Variants in FOXP1 observed in about 807,000 individuals in gnomAD.
FOXP1 encodes the protein forkhead box P1.
Under a neutral mutation model 98.2 loss-of-function variants are expected in FOXP1, and 15 were observed. The ratio of observed to expected loss-of-function variants is 0.15; its 90% CI spans 0.10 to 0.24. The LOEUF is 0.24. Among genes scored for constraint, FOXP1 ranks in the 10% least tolerant of loss-of-function variants. FOXP1 has a pLI of 1.00. For missense variants in FOXP1, 633 were observed against 848.5 expected, an observed-to-expected ratio of 0.75 and a Z score of 3.15; for synonymous variants, 371 against 314.5, an observed-to-expected ratio of 1.18 and a Z score of -1.90.
intron 4 of FOXP1, among the ~76,000 whole-genome samples, chr3:71,316,205 T>C (rs1041271558): frequency 2.0e-5 from 3 of 152,120 alleles, no homozygotes; most frequent in Non-Finnish European, 4.4e-5. Context: ...CTGAACAAAG[T>C]GCTAAAATGC....
At chr3:71,117,456 C>T (rs1411100309) in intron 6 of FOXP1, among the ~76,000 whole-genome samples, 1 of 152,006 alleles carries the variant, frequency 6.6e-6, no homozygotes, top group Non-Finnish European at 1.5e-5. Context: ...ATCTCAACCA[C>T]AATTAGAGAA....
intron 7 of FOXP1, among the ~76,000 whole-genome samples, chr3:71,092,264 G>A (rs956478201): frequency 3.9e-5 from 6 of 152,064 alleles, no homozygotes; most frequent in Non-Finnish European, 7.4e-5. Context: ...CCAGCTACTC[G>A]GGAGGCTGAG....
intron 3 of FOXP1, among the ~76,000 whole-genome samples, chr3:71,457,870 A>G (rs573375980): frequency 6.6e-6 from 1 of 152,264 alleles, no homozygotes; most frequent in East Asian, 1.9e-4. Flanking sequence ...TTAGCAAAAC[A>G]CACTCCGCTT....
intron 3 of FOXP1, among the ~76,000 whole-genome samples, chr3:71,366,888 A>G (rs1428343626): frequency 6.6e-6 from 1 of 152,238 alleles, no homozygotes; most frequent in African/African-American, 2.4e-5. Context: ...TTAAGCCTTT[A>G]CAAGAAATTA....
chr3:71,380,993 T>C (rs546399817), intron 3 of FOXP1, among the ~76,000 whole-genome samples: 11 of 152,310 alleles, frequency 7.2e-5, no homozygotes, highest in African/African-American at 2.4e-4. Flanking sequence ...AAACATTGAA[T>C]TTAAAATTTT....
chr3:71,322,699 C>A (rs191460648), intron 4 of FOXP1, among the ~76,000 whole-genome samples: 6 of 152,252 alleles, frequency 3.9e-5, no homozygotes, highest in Admixed American at 2.0e-4. Flanking sequence ...GCAGTGGCCA[C>A]AGAGAAGTCT....
chr3:71,353,593 C>T (rs2077943765), intron 4 of FOXP1, among the ~76,000 whole-genome samples: 1 of 151,968 alleles, frequency 6.6e-6, no homozygotes. Flanking sequence ...TTAATCATGT[C>T]CTTTTATTGT....
chr3:71,307,660 A>G (rs1426870188), intron 4 of FOXP1, among the ~76,000 whole-genome samples: 1 of 152,186 alleles, frequency 6.6e-6, no homozygotes, highest in Non-Finnish European at 1.5e-5. Context: ...TTTAATCAGT[A>G]TATCACTGTG....
chr3:71,349,193 A>C (rs1316420891), intron 4 of FOXP1, among the ~76,000 whole-genome samples: 1 of 152,256 alleles, frequency 6.6e-6, no homozygotes, highest in African/African-American at 2.4e-5. Flanking sequence ...CCTTAAAAGA[A>C]AATTCCAAGA....
chr3:71,033,232 G>A (rs74836672), intron 11 of FOXP1, among the ~76,000 whole-genome samples: 3 of 152,086 alleles, frequency 2.0e-5, no homozygotes, highest in African/African-American at 4.8e-5. Flanking sequence ...CGGCAGCGGC[G>A]CATCAAAAAA....
chr3:71,442,886 AT>A (rs60028789), intron 3 of FOXP1, among the ~76,000 whole-genome samples: 40,404 of 151,124 alleles, frequency 0.27, 5,862 homozygotes, highest in Non-Finnish European at 0.33. Flanking sequence ...ATCTTTTTTT[AT>A]TTTTTTTTTA....
intron 12 of FOXP1, among the ~76,000 whole-genome samples, chr3:71,009,996 T>A (rs1435476900): frequency 1.3e-5 from 2 of 149,530 alleles, no homozygotes; most frequent in African/African-American, 4.9e-5. Flanking sequence ...CCTCAAGAAA[T>A]CCTTCCACCT....
chr3:71,040,685 G>A (rs2048223185), intron 11 of FOXP1, among the ~76,000 whole-genome samples: 1 of 152,150 alleles, frequency 6.6e-6, no homozygotes, highest in South Asian at 2.1e-4. Context: ...GAATACAGCT[G>A]CTGAGACAAT....
chr3:71,003,897 C>T (rs925007432), intron 12 of FOXP1, among the ~76,000 whole-genome samples: 1 of 152,084 alleles, frequency 6.6e-6, no homozygotes, highest in African/African-American at 2.4e-5. Flanking sequence ...TATATCACAT[C>T]TTCAGTGACC....
At chr3:71,530,557 A>G (rs6779041) in intron 2 of FOXP1, among the ~76,000 whole-genome samples, 87,969 of 152,096 alleles carry the variant, frequency 0.58, 26,996 homozygotes, top group Non-Finnish European at 0.68. Context: ...TATGGAGAGT[A>G]TAGCAGGAGG....
At chr3:71,232,221 T>A (rs571072989) in intron 5 of FOXP1, among the ~76,000 whole-genome samples, 2 of 152,368 alleles carry the variant, frequency 1.3e-5, no homozygotes, top group African/African-American at 4.8e-5. Context: ...CAATTTCACA[T>A]GTAGTAAATC....
At chr3:71,490,176 T>C (rs1174980767) in intron 3 of FOXP1, among the ~76,000 whole-genome samples, 1 of 152,102 alleles carries the variant, frequency 6.6e-6, no homozygotes, top group Non-Finnish European at 1.5e-5. Flanking sequence ...AGTGAGTCCT[T>C]TGAGCAAGCC....
intron 2 of FOXP1, among the ~76,000 whole-genome samples, chr3:71,557,517 G>T (rs2046229212): frequency 6.6e-6 from 1 of 152,124 alleles, no homozygotes; most frequent in African/African-American, 2.4e-5. Context: ...CTACGAAAAA[G>T]AAAAGGTGCC....
In FOXP1 at chr3:71,483,740, G is replaced by C. The variant is rs570027754; in HGVS notation, c.-168+9686C>G. On this transcript the variant is annotated intron_variant, in intron 3 of 20. Transcript: ENST00000649528. ...TTACTATCTGGCTCTTTACAGAAAA[G>C]ATTCGCTGATCCCTGTTACAGGCAG... Among the ~76,000 whole-genome samples, 12 of 152,178 alleles carry C rather than the reference G, an allele frequency of 7.9e-5. No homozygotes were observed. The South Asian group carries it at 2.5e-3, about 32-fold the overall frequency.
Sources: gnomAD v4.1 joint callset for allele counts (sites outside exome capture counted in the v4.1 genomes callset) on GRCh38, gnomAD v4.1.1 for gene constraint, MANE v1.5 for transcripts, NCBI Gene and HGNC (gene_info 2026-07-23, HGNC 2026-07-21) for gene names.